GALNT17: variants seen among roughly 807,000 people sequenced by gnomAD.
GALNT17 encodes polypeptide N-acetylgalactosaminyltransferase 17.
Under a neutral mutation model 63.7 loss-of-function variants are expected in GALNT17, and 29 were observed. The ratio of observed to expected loss-of-function variants is 0.46; its 90% CI spans 0.34 to 0.62. GALNT17 has a LOEUF of 0.62. Among genes scored for constraint, GALNT17 ranks in the 20% least tolerant of loss-of-function variants. The pLI, the probability that GALNT17 is intolerant of heterozygous loss-of-function variation, is 0.01. For missense variants in GALNT17, 603 were observed against 799.6 expected (o/e 0.75, Z 2.97); for synonymous variants, 305 against 318.3 (o/e 0.96, Z 0.45).
intron 6 of GALNT17, among the ~76,000 whole-genome samples, chr7:71,637,156 C>T (rs1319420499): frequency 6.6e-6 from 1 of 152,092 alleles, no homozygotes; most frequent in Non-Finnish European, 1.5e-5. Flanking sequence ...TGCTAGCTCT[C>T]ATTACTTTGT....
intron 5 of GALNT17, among the ~76,000 whole-genome samples, chr7:71,482,059 G>A (rs1318794043): frequency 1.5e-5 from 2 of 137,210 alleles, no homozygotes; most frequent in Non-Finnish European, 3.1e-5. Flanking sequence ...GTGCATTGAT[G>A]TATAGGTATA....
At chr7:71,332,445 C>T (rs1459344252) in intron 1 of GALNT17, among the ~76,000 whole-genome samples, 1 of 152,164 alleles carries the variant, frequency 6.6e-6, no homozygotes, top group African/African-American at 2.4e-5. Flanking sequence ...CATCCTCTCC[C>T]TCTCTGAGAG....
intron 6 of GALNT17, among the ~76,000 whole-genome samples, chr7:71,619,092 G>C (rs966376470): frequency 6.6e-6 from 1 of 152,024 alleles, no homozygotes; most frequent in African/African-American, 2.4e-5. Flanking sequence ...GCTTCTTTTT[G>C]GCAGCCTTTT....
intron 5 of GALNT17, among the ~76,000 whole-genome samples, chr7:71,523,811 C>T (rs557061127): frequency 2.7e-5 from 4 of 150,806 alleles, no homozygotes; most frequent in Admixed American, 2.6e-4. Context: ...AAATACACAT[C>T]CTCAGCCCCC....
intron 2 of GALNT17, among the ~76,000 whole-genome samples, chr7:71,336,306 A>G (rs1791906111): frequency 6.6e-6 from 1 of 152,096 alleles, no homozygotes; most frequent in Non-Finnish European, 1.5e-5. Context: ...TGGCCTCCCA[A>G]AGTGCTGGGA....
At chr7:71,632,277 G>A (rs555208893) in intron 6 of GALNT17, among the ~76,000 whole-genome samples, 2 of 152,202 alleles carry the variant, frequency 1.3e-5, no homozygotes, top group Admixed American at 1.3e-4. Context: ...AGGCCCTGGG[G>A]GACCACCTGC....
chr7:71,683,424 C>T (rs1246402767), intron 9 of GALNT17, among the ~76,000 whole-genome samples: 1 of 152,166 alleles, frequency 6.6e-6, no homozygotes, highest in Non-Finnish European at 1.5e-5. Context: ...ATCAGAGCTC[C>T]TGTAACCAGG....
At chr7:71,372,936 G>A (rs986983578) in intron 2 of GALNT17, among the ~76,000 whole-genome samples, 2 of 152,156 alleles carry the variant, frequency 1.3e-5, no homozygotes, top group Admixed American at 6.5e-5. Context: ...TTATTTTAAG[G>A]AAACTGAGGC....
At chr7:71,630,657 T>C (rs1790441905) in intron 6 of GALNT17, among the ~76,000 whole-genome samples, 1 of 152,132 alleles carries the variant, frequency 6.6e-6, no homozygotes, top group African/African-American at 2.4e-5. Flanking sequence ...GCTGGTGTAA[T>C]TGGCCCTCAC....
chr7:71,542,439 G>A lies in GALNT17; in HGVS notation c.963-28846G>A, dbSNP rs116244587. On this transcript the variant is annotated intron_variant, in intron 5 of 10. Transcript: ENST00000333538. Reference sequence around the variant, plus strand: ...AAGATAATGATAATCGCTGGGCACAGTAACCCCAGCACTTTGGGAGGCCGA... The same window carrying A: ...AAGATAATGATAATCGCTGGGCACAATAACCCCAGCACTTTGGGAGGCCGA... 9.3e-3 allele frequency among the ~76,000 whole-genome samples: 1,418 copies of A among 152,180 alleles called. 19 individuals carry two copies. Among genetic ancestry groups the A allele is most frequent in the African/African-American group, 0.033 (1,352 of 41,532 alleles).
At chr7:71,651,396 A>G (rs1379097944) in intron 6 of GALNT17, among the ~76,000 whole-genome samples, 1 of 149,778 alleles carries the variant, frequency 6.7e-6, no homozygotes, top group Non-Finnish European at 1.5e-5. Context: ...TCTGCCTCCC[A>G]GGTTTAAGCA....
intron 1 of GALNT17, among the ~76,000 whole-genome samples, chr7:71,321,930 T>TTTCTTCCTTCCTTCCTTCCTTC (rs1563001283): frequency 2.0e-4 from 7 of 35,422 alleles, no homozygotes; most frequent in Non-Finnish European, 2.5e-4. Context: ...TTCCCCTCCC[T>TTTCTTCCTTCCTTCCTTCCTTC]CCCTCCCTCC....
intron 1 of GALNT17, among the ~76,000 whole-genome samples, chr7:71,139,306 C>T (rs957491810): frequency 2.0e-5 from 3 of 152,108 alleles, no homozygotes; most frequent in African/African-American, 7.2e-5. Context: ...GCCTTAGAGA[C>T]ACCCTCTCCT....
At chr7:71,298,861 AAT>A (rs1253220948) in intron 1 of GALNT17, among the ~76,000 whole-genome samples, 4 of 152,222 alleles carry the variant, frequency 2.6e-5, no homozygotes, top group Non-Finnish European at 4.4e-5. Flanking sequence ...TAAGATATAA[AAT>A]ATGATTTTAA....
At chr7:71,648,444 T>G (rs989278636) in intron 6 of GALNT17, among the ~76,000 whole-genome samples, 1 of 152,100 alleles carries the variant, frequency 6.6e-6, no homozygotes, top group African/African-American at 2.4e-5. Context: ...ATAACGTTTT[T>G]AAAAAGATTT....
At chr7:71,699,041 G>A (rs1402678645) in intron 9 of GALNT17, among the ~76,000 whole-genome samples, 13 of 151,876 alleles carry the variant, frequency 8.6e-5, no homozygotes, top group Non-Finnish European at 1.3e-4. Context: ...GCATGGCAGC[G>A]TGTGCCTGTA....
chr7:71,507,880 A>G (rs991928802), intron 5 of GALNT17, among the ~76,000 whole-genome samples: 2 of 152,194 alleles, frequency 1.3e-5, no homozygotes, highest in African/African-American at 2.4e-5. Flanking sequence ...TCAGATCAGC[A>G]TGCAGCTCAC....
At chr7:71,142,067 A>G (rs1301357090) in intron 1 of GALNT17, among the ~76,000 whole-genome samples, 1 of 146,616 alleles carries the variant, frequency 6.8e-6, no homozygotes, top group African/African-American at 2.6e-5. Context: ...ATGGGGTTTC[A>G]CCATGTTGGC....
intron 2 of GALNT17, among the ~76,000 whole-genome samples, chr7:71,384,012 A>G (rs150644493): frequency 7.2e-5 from 11 of 152,304 alleles, no homozygotes; most frequent in African/African-American, 2.6e-4. Context: ...ACCACCCACC[A>G]TACTATTTTC....
Sources: gnomAD v4.1 joint callset for allele counts (sites outside exome capture counted in the v4.1 genomes callset) on GRCh38, gnomAD v4.1.1 for gene constraint, MANE v1.5 for transcripts, NCBI Gene and HGNC (gene_info 2026-07-23, HGNC 2026-07-21) for gene names.